Variants in FGF12 observed in about 807,000 individuals in gnomAD.
FGF12 encodes the protein fibroblast growth factor 12, also known as fibroblast growth factor 12B.
In FGF12, 14 loss-of-function variants were observed where a neutral mutation model predicts 23.6. That is an observed-to-expected ratio of 0.59 (90% CI 0.39 to 0.93). FGF12 has a LOEUF of 0.93. Ranked by LOEUF, FGF12 falls within the 40% of genes least tolerant of loss-of-function variation. FGF12 has a pLI of 0.00. For synonymous variants in FGF12, 62 were observed against 77.3 expected (o/e 0.80, Z 1.04); for missense variants, 175 against 217.8 (o/e 0.80, Z 1.24).
At chr3:192,702,996 C>T (rs1036972101) in intron 2 of FGF12, among the ~76,000 whole-genome samples, 12 of 152,076 alleles carry the variant, frequency 7.9e-5, no homozygotes, top group Admixed American at 2.6e-4. Context: ...GATGGTATTT[C>T]GTTCTATACC....
chr3:192,675,320 T>C (rs1717289757), intron 2 of FGF12, among the ~76,000 whole-genome samples: 2 of 151,208 alleles, frequency 1.3e-5, no homozygotes, highest in Non-Finnish European at 3.0e-5. Flanking sequence ...AAAGTCCTAC[T>C]TTTTTTTTCA....
intron 2 of FGF12, among the ~76,000 whole-genome samples, chr3:192,581,989 T>G (rs1713176127): frequency 6.6e-6 from 1 of 152,180 alleles, no homozygotes; most frequent in Non-Finnish European, 1.5e-5. Context: ...TCTGCAACAC[T>G]TGTACTTGTT....
intron 2 of FGF12, among the ~76,000 whole-genome samples, chr3:192,717,475 T>A (rs1234236163): frequency 6.6e-6 from 1 of 152,206 alleles, no homozygotes; most frequent in Non-Finnish European, 1.5e-5. Context: ...GTCCTTTCAA[T>A]GTTTGACATG....
At chr3:192,443,973 C>G (rs1393263796) in intron 2 of FGF12, among the ~76,000 whole-genome samples, 1 of 152,168 alleles carries the variant, frequency 6.6e-6, no homozygotes, top group East Asian at 1.9e-4. Flanking sequence ...TGGGCTTATC[C>G]AGGACTTACA....
At chr3:192,635,083 C>T (rs1049502001) in intron 2 of FGF12, among the ~76,000 whole-genome samples, 3 of 152,172 alleles carry the variant, frequency 2.0e-5, no homozygotes, top group Non-Finnish European at 4.4e-5. Context: ...TGGTCTCGAA[C>T]TCCTGACCTC....
chr3:192,465,421 A>G (rs150158398), intron 2 of FGF12, among the ~76,000 whole-genome samples: 1 of 152,222 alleles, frequency 6.6e-6, no homozygotes, highest in African/African-American at 2.4e-5. Context: ...TAAACCCAAG[A>G]CTTGCCCTAC....
intron 4 of FGF12, among the ~76,000 whole-genome samples, chr3:192,279,607 T>C (rs751440047): frequency 2.0e-5 from 3 of 152,128 alleles, no homozygotes. Flanking sequence ...AGGCACATGA[T>C]ATAGTGAGTG....
rs139142790 is a variant in FGF12, at chr3:192,307,587, A to T, written c.228+27774T>A. Among the ~76,000 whole-genome samples, 529 of 152,344 alleles carry T rather than the reference A, an allele frequency of 3.5e-3. 2 individuals carry two copies. The highest frequency in any genetic ancestry group is 0.012 in the African/African-American group (505 of 41,584). The stretch of plus-strand genomic sequence containing the variant: ...TCAATTCTACAGGCAGAATTTTTTT[A>T]AAACAAACCAAACAACAATAATAAC... On this transcript the variant is annotated intron_variant, in intron 4 of 5. Transcript: ENST00000445105.
chr3:192,305,774 A>T (rs1263941938), intron 4 of FGF12, among the ~76,000 whole-genome samples: 1 of 147,544 alleles, frequency 6.8e-6, no homozygotes, highest in Non-Finnish European at 1.5e-5. Flanking sequence ...GGACACTGAT[A>T]TTAGTGACCC....
At chr3:192,530,754 A>T (rs1431443872) in intron 2 of FGF12, among the ~76,000 whole-genome samples, 1 of 152,130 alleles carries the variant, frequency 6.6e-6, no homozygotes, top group East Asian at 1.9e-4. Context: ...AGACTTATAC[A>T]TATACTAAGA....
intron 2 of FGF12, among the ~76,000 whole-genome samples, chr3:192,551,036 C>G (rs1226026882): frequency 6.6e-6 from 1 of 152,146 alleles, no homozygotes; most frequent in Non-Finnish European, 1.5e-5. Flanking sequence ...CTAGCCATGA[C>G]AAAGTCCAAC....
intron 2 of FGF12, among the ~76,000 whole-genome samples, chr3:192,594,704 C>A (rs940667328): frequency 2.0e-5 from 3 of 152,006 alleles, no homozygotes; most frequent in African/African-American, 2.4e-5. Flanking sequence ...CCTGAGCTGA[C>A]ATGCTCTCGT....
intron 2 of FGF12, among the ~76,000 whole-genome samples, chr3:192,531,449 T>A (rs1286995258): frequency 1.3e-5 from 2 of 152,170 alleles, no homozygotes; most frequent in Non-Finnish European, 2.9e-5. Flanking sequence ...GAAAAGGAAA[T>A]GCTTAACATA....
intron 2 of FGF12, among the ~76,000 whole-genome samples, chr3:192,676,229 C>T (rs1717323043): frequency 6.6e-6 from 1 of 152,164 alleles, no homozygotes; most frequent in South Asian, 2.1e-4. Flanking sequence ...CACATCACTA[C>T]AAGACAAAAA....
intron 2 of FGF12, among the ~76,000 whole-genome samples, chr3:192,443,087 C>T (rs561488245): frequency 2.6e-5 from 4 of 152,152 alleles, no homozygotes; most frequent in East Asian, 1.9e-4. Flanking sequence ...AGATTACAGG[C>T]GTGAGTCACC....
At chr3:192,481,362 T>C (rs946014203) in intron 2 of FGF12, among the ~76,000 whole-genome samples, 2 of 152,208 alleles carry the variant, frequency 1.3e-5, no homozygotes, top group Non-Finnish European at 2.9e-5. Flanking sequence ...TGATGTATAC[T>C]GGACCCTAGT....
chr3:192,434,617 T>A lies in FGF12; in HGVS notation c.14-74079A>T, dbSNP rs536026419. On this transcript the variant is annotated intron_variant, in intron 2 of 5. Transcript: ENST00000445105. ...AAGTGTTCTGTGATCAATCTTCATA[T>A]GGAGTTGACTTTTTTGAGTTCTTGT... is the stretch of plus-strand genomic sequence containing the variant. Among the ~76,000 whole-genome samples, 14 of 152,292 alleles carry A rather than the reference T, an allele frequency of 9.2e-5. No individual in the cohort carries two copies. The East Asian group carries it at 1.2e-3, about 13-fold the overall frequency.
At chr3:192,246,868 AG>A (rs1217138272) in intron 4 of FGF12, among the ~76,000 whole-genome samples, 1 of 150,192 alleles carries the variant, frequency 6.7e-6, no homozygotes, top group African/African-American at 2.4e-5. Flanking sequence ...AGAGAGAGAG[AG>A]AAAGAAAGAG....
intron 2 of FGF12, among the ~76,000 whole-genome samples, chr3:192,697,807 C>T (rs181060553): frequency 1.3e-5 from 2 of 152,308 alleles, no homozygotes; most frequent in Non-Finnish European, 2.9e-5. Flanking sequence ...CTTGCATTTG[C>T]TGTTCCCTCC....
Sources: gnomAD v4.1 joint callset for allele counts (sites outside exome capture counted in the v4.1 genomes callset) on GRCh38, gnomAD v4.1.1 for gene constraint, MANE v1.5 for transcripts, NCBI Gene and HGNC (gene_info 2026-07-23, HGNC 2026-07-21) for gene names.